MACROD2: variants seen among roughly 807,000 people sequenced by gnomAD.
The protein encoded by MACROD2 is ADP-ribose glycohydrolase MACROD2.
MACROD2 carries 36 observed loss-of-function variants against 70.4 expected under a neutral mutation model. That is an observed-to-expected ratio of 0.51 (90% CI 0.39 to 0.68). MACROD2 has a LOEUF of 0.68. Ranked by LOEUF, MACROD2 falls within the 30% of genes least tolerant of loss-of-function variation. The probability of loss-of-function intolerance (pLI) is 0.00; values close to 1 mark genes in which losing one functional copy is unlikely to be tolerated. For synonymous variants in MACROD2, 172 were observed against 178.8 expected (o/e 0.96, Z 0.30); for missense variants, 496 against 538.4 (o/e 0.92, Z 0.78).
intron 3 of MACROD2, among the ~76,000 whole-genome samples, chr20:14,492,141 C>T (rs1353367961): frequency 2.6e-5 from 4 of 152,148 alleles, no homozygotes; most frequent in Non-Finnish European, 5.9e-5. Flanking sequence ...TTCTGGCTAC[C>T]GTCTGTGTAA....
chr20:15,464,837 T>C (rs573530604), intron 7 of MACROD2, among the ~76,000 whole-genome samples: 2 of 152,336 alleles, frequency 1.3e-5, no homozygotes, highest in African/African-American at 4.8e-5. Flanking sequence ...GCTTGGGCTT[T>C]TTGAGGTGAG....
chr20:15,937,351 A>T lies in MACROD2; in HGVS notation c.839-125A>T, dbSNP rs2065680026. ...AGCCCCTTCAAAGAGCATTCAGTGT[A>T]TTCAAGCATGCGGCAGGCTCATGCT... On this transcript the variant is annotated intron_variant, in intron 11 of 17. Coordinates refer to ENST00000684519, the MANE Select transcript of MACROD2 (RefSeq NM_001351661.2). 14 of 800,622 alleles carry T rather than the reference A, an allele frequency of 1.7e-5. No homozygotes were observed. In the Admixed American group the frequency reaches 2.7e-4, roughly 15 times the overall value. 49.6% of individuals were successfully genotyped at this position (800,622 alleles called of 1,614,324 possible).
chr20:15,869,238 T>TATATATATATATATATAG, intron 9 of MACROD2, among the ~76,000 whole-genome samples: 3 of 28,296 alleles, frequency 1.1e-4, no homozygotes, highest in Admixed American at 4.9e-4. Flanking sequence ...TATATATATA[T>TATATATATATATATATAG]AGAGAGAGAG....
In MACROD2 at chr20:15,737,416, C is replaced by T. The variant is rs984507068; in HGVS notation, c.646-125329C>T. ...TGTATTATTAAACACCCTTATTCAA[C>T]AATAAGTACTTACTGAGACACTGAT... On this transcript the variant is annotated intron_variant, in intron 8 of 17. Transcript: ENST00000684519. Among the ~76,000 whole-genome samples the T allele has an allele frequency of 2.0e-5, 3 of 152,194 alleles. No homozygotes were observed. In the East Asian group the frequency reaches 5.8e-4, roughly 29 times the overall value.
At chr20:15,999,751 T>A (rs2066683381) in intron 15 of MACROD2, among the ~76,000 whole-genome samples, 1 of 152,256 alleles carries the variant, frequency 6.6e-6, no homozygotes, top group Non-Finnish European at 1.5e-5. Flanking sequence ...GACTATTTTT[T>A]AGTTAAGGTC....
At chr20:15,717,080 A>G (rs1173192491) in intron 8 of MACROD2, among the ~76,000 whole-genome samples, 1 of 152,186 alleles carries the variant, frequency 6.6e-6, no homozygotes, top group East Asian at 1.9e-4. Context: ...CTTAAATACT[A>G]AATATATCCT....
chr20:15,938,455 T>C (rs1054312502), intron 12 of MACROD2, among the ~76,000 whole-genome samples: 5 of 152,164 alleles, frequency 3.3e-5, no homozygotes, highest in Non-Finnish European at 5.9e-5. Flanking sequence ...CTGTCTGTAA[T>C]GGTGATCAGT....
At chr20:14,110,920 G>A (rs182631003) in intron 3 of MACROD2, among the ~76,000 whole-genome samples, 1 of 152,002 alleles carries the variant, frequency 6.6e-6, no homozygotes, top group Admixed American at 6.6e-5. Flanking sequence ...AATAGCCAAA[G>A]CTATCCTGAA....
intron 8 of MACROD2, among the ~76,000 whole-genome samples, chr20:15,551,922 C>CT (rs2048104566): frequency 6.6e-6 from 1 of 150,720 alleles, no homozygotes; most frequent in Non-Finnish European, 1.5e-5. Flanking sequence ...ATTATTATTC[C>CT]TTTTTTATTT....
intron 9 of MACROD2, among the ~76,000 whole-genome samples, chr20:15,871,704 G>T (rs1008043384): frequency 4.6e-5 from 7 of 152,258 alleles, no homozygotes; most frequent in African/African-American, 1.7e-4. Context: ...GTTCACGTCT[G>T]GTGTTGGGTA....
intron 5 of MACROD2, among the ~76,000 whole-genome samples, chr20:15,109,501 C>T (rs117688961): frequency 5.3e-5 from 8 of 152,238 alleles, no homozygotes; most frequent in Admixed American, 1.3e-4. Context: ...GGCAGGGCTC[C>T]TCCACCTGAC....
At chr20:15,052,638 T>C (rs1601003770) in intron 5 of MACROD2, among the ~76,000 whole-genome samples, 1 of 152,174 alleles carries the variant, frequency 6.6e-6, no homozygotes, top group Non-Finnish European at 1.5e-5. Flanking sequence ...CCCCTGTCTG[T>C]CTCCCTCTCC....
At chr20:14,738,907 TA>T (rs1359901722) in intron 5 of MACROD2, among the ~76,000 whole-genome samples, 1 of 152,008 alleles carries the variant, frequency 6.6e-6, no homozygotes, top group Non-Finnish European at 1.5e-5. Context: ...AGATTTCTGC[TA>T]AGTATAATTA....
chr20:15,251,611 T>C (rs1166436562), intron 6 of MACROD2, among the ~76,000 whole-genome samples: 2 of 152,226 alleles, frequency 1.3e-5, no homozygotes, highest in Non-Finnish European at 2.9e-5. Context: ...AATCTCCTTG[T>C]TCTCAATGAT....
intron 8 of MACROD2, among the ~76,000 whole-genome samples, chr20:15,660,309 C>T (rs1178884224): frequency 6.6e-6 from 1 of 152,094 alleles, no homozygotes; most frequent in African/African-American, 2.4e-5. Context: ...ATCATCGAGA[C>T]TGTTTTCATT....
At chr20:15,178,504 T>C (rs772931927) in intron 5 of MACROD2, among the ~76,000 whole-genome samples, 37 of 152,230 alleles carry the variant, frequency 2.4e-4, no homozygotes, top group Non-Finnish European at 4.8e-4. Flanking sequence ...CACCTATGCA[T>C]GCATATAACC....
At chr20:15,645,713 T>C (rs1263901424) in intron 8 of MACROD2, among the ~76,000 whole-genome samples, 1 of 152,204 alleles carries the variant, frequency 6.6e-6, no homozygotes, top group African/African-American at 2.4e-5. Flanking sequence ...CTCTTACTTA[T>C]AGTAAGTAAG....
intron 3 of MACROD2, among the ~76,000 whole-genome samples, chr20:14,454,860 C>G (rs2084283456): frequency 6.7e-6 from 1 of 149,114 alleles, no homozygotes; most frequent in Admixed American, 6.8e-5. Flanking sequence ...TCACGCCATT[C>G]TCCTGCCTCA....
rs144255302 is a variant in MACROD2 at position 14,966,296 on chromosome 20, G to T, written c.419-263644G>T. 4.9e-4 allele frequency among the ~76,000 whole-genome samples: 74 copies of T among 152,220 alleles called. No homozygotes were observed. The South Asian group carries it at 9.3e-3, about 19-fold the overall frequency. On this transcript the variant is annotated intron_variant, in intron 5 of 17. Transcript: ENST00000684519. ...CATATGTACTTGTGTAACCACCTCC[G>T]ATGAAGATATGGAACATGCCTATAA...
Sources: allele counts gnomAD v4.1 joint callset (sites outside exome capture counted in the v4.1 genomes callset), GRCh38; gene constraint gnomAD v4.1.1; transcripts MANE v1.5; gene names NCBI Gene and HGNC (gene_info 2026-07-23, HGNC 2026-07-21).